Variants in NME7 observed in about 807,000 individuals in gnomAD.
NME7 encodes nucleoside diphosphate kinase 7.
In NME7, 41 loss-of-function variants were observed where a neutral mutation model predicts 49.1. The ratio of observed to expected loss-of-function variants is 0.83; its 90% CI spans 0.65 to 1.08. The LOEUF is 1.08. Ranked by LOEUF, NME7 falls within the 50% of genes least tolerant of loss-of-function variation. The probability of loss-of-function intolerance (pLI) is 0.00; values close to 1 mark genes in which losing one functional copy is unlikely to be tolerated. For synonymous variants in NME7, 139 were observed against 150.6 expected (o/e 0.92, Z 0.56); for missense variants, 423 against 463.4 (o/e 0.91, Z 0.80).
chr1:169,163,990 G>T (rs1571256077), intron 11 of NME7, among the ~76,000 whole-genome samples: 1 of 151,610 alleles, frequency 6.6e-6, no homozygotes. Context: ...TGCACCTGTA[G>T]TCCCAGCTAC....
Position 169,258,405 on chromosome 1 carries a change from T to TACAC in NME7, c.755-20722_755-20719dup, listed in dbSNP as rs1366142784. Among the ~76,000 whole-genome samples, 34 of 68,786 alleles carry TACAC rather than the reference T, an allele frequency of 4.9e-4. 4 individuals carry two copies. Among genetic ancestry groups the TACAC allele is most frequent in the Middle Eastern group, 6.4e-3 (1 of 156 alleles). The allele number at this position is 68,786 out of a possible 152,430, so 45.1% of individuals were successfully genotyped here. On this transcript the variant is annotated intron_variant, in intron 7 of 11. Transcript: ENST00000367811. ...ATATATATATATATATATATATATATACACACACACACACACACATACACA... is the reference window on the plus strand; with the variant it reads ...ATATATATATATATATATATATATATACACACACACACACACACACACATACACA...
At chr1:169,241,967 TA>T (rs1216301969) in intron 7 of NME7, among the ~76,000 whole-genome samples, 3 of 151,928 alleles carry the variant, frequency 2.0e-5, no homozygotes, top group Admixed American at 2.0e-4. Context: ...TTTATTTACT[TA>T]ATATGAGAAA....
chr1:169,286,008 C>T (rs1650263309), intron 7 of NME7: 2 of 152,014 alleles, frequency 1.3e-5, no homozygotes, highest in Admixed American at 1.3e-4. Context: ...CTGAAAACAA[C>T]CTAAGTATCC....
Position 169,327,176 on chromosome 1 carries a change from A to T in NME7, c.4-2676T>A, listed in dbSNP as rs1035744781. Among the ~76,000 whole-genome samples, 3 of 152,276 alleles carry T rather than the reference A, an allele frequency of 2.0e-5. No individual in the cohort carries two copies. The East Asian group carries it at 5.8e-4, about 29-fold the overall frequency. ...TAACACTTTAGTAGCACATAGATACACCTTGAGTTGTCTGTCACAGATGCT... is the reference window on the plus strand; with the variant it reads ...TAACACTTTAGTAGCACATAGATACTCCTTGAGTTGTCTGTCACAGATGCT... On this transcript the variant is annotated intron_variant, in intron 1 of 11. Coordinates refer to ENST00000367811, the MANE Select transcript of NME7 (RefSeq NM_013330.5).
intron 11 of NME7, among the ~76,000 whole-genome samples, chr1:169,156,188 C>CT (rs1029836946): frequency 3.9e-4 from 57 of 147,734 alleles, no homozygotes; most frequent in Non-Finnish European, 7.0e-4. Flanking sequence ...CGGTGCATGC[C>CT]TGTGGTCCTA....
intron 4 of NME7, among the ~76,000 whole-genome samples, chr1:169,309,037 T>A (rs934545729): frequency 2.0e-5 from 3 of 152,190 alleles, no homozygotes; most frequent in African/African-American, 2.4e-5. Context: ...CAGTGTGTTA[T>A]CCTTATATAT....
chr1:169,326,866 A>G (rs1652079249), intron 1 of NME7, among the ~76,000 whole-genome samples: 1 of 152,152 alleles, frequency 6.6e-6, no homozygotes, highest in Admixed American at 6.5e-5. Context: ...TCCAGACCAA[A>G]GCCACCCTTA....
At chr1:169,316,815 T>C (rs1194912847) in intron 3 of NME7, among the ~76,000 whole-genome samples, 1 of 152,166 alleles carries the variant, frequency 6.6e-6, no homozygotes, top group Non-Finnish European at 1.5e-5. Flanking sequence ...CAACACCTGA[T>C]CTTTACCTGA....
chr1:169,245,610 T>A (rs1373794488), intron 7 of NME7, among the ~76,000 whole-genome samples: 1 of 152,186 alleles, frequency 6.6e-6, no homozygotes, highest in East Asian at 1.9e-4. Flanking sequence ...GTGCCTAAAA[T>A]AGACATGTTT....
chr1:169,144,639 G>A (rs1658698319), intron 11 of NME7, among the ~76,000 whole-genome samples: 1 of 152,088 alleles, frequency 6.6e-6, no homozygotes, highest in Non-Finnish European at 1.5e-5. Flanking sequence ...TGAGAATGAG[G>A]AGTGTGTCTT....
chr1:169,327,177 C>CTA (rs1652090692), intron 1 of NME7, among the ~76,000 whole-genome samples: 3 of 152,176 alleles, frequency 2.0e-5, no homozygotes, highest in Admixed American at 1.3e-4. Context: ...CATAGATACA[C>CTA]CTTGAGTTGT....
At chr1:169,229,149 T>A (rs1271258073) in intron 10 of NME7, among the ~76,000 whole-genome samples, 5 of 152,226 alleles carry the variant, frequency 3.3e-5, no homozygotes, top group Non-Finnish European at 7.3e-5. Flanking sequence ...TAAATAGAAT[T>A]ACAATTTTTA....
intron 7 of NME7, among the ~76,000 whole-genome samples, chr1:169,243,539 C>A (rs760037872): frequency 6.6e-6 from 1 of 152,146 alleles, no homozygotes; most frequent in Non-Finnish European, 1.5e-5. Flanking sequence ...AAAGGTAGGG[C>A]CTTTGTGGGG....
chr1:169,157,651 A>G (rs1462971458), intron 11 of NME7, among the ~76,000 whole-genome samples: 1 of 152,154 alleles, frequency 6.6e-6, no homozygotes, highest in South Asian at 2.1e-4. Context: ...CAGAGACTGG[A>G]GTTCCGTTGG....
intron 10 of NME7, among the ~76,000 whole-genome samples, chr1:169,174,549 C>T (rs190518157): frequency 1.3e-5 from 2 of 152,248 alleles, no homozygotes; most frequent in African/African-American, 4.8e-5. Flanking sequence ...TAGGTGATTT[C>T]CTCATTGTGT....
At chr1:169,219,125 C>G (rs1382820424) in intron 10 of NME7, among the ~76,000 whole-genome samples, 1 of 152,160 alleles carries the variant, frequency 6.6e-6, no homozygotes, top group Admixed American at 6.6e-5. Flanking sequence ...CTCAGGGAAG[C>G]CTTTTCTGAA....
At position 169,271,364 on chromosome 1, in the gene NME7, G is replaced by C. The variant is rs1484233365; in HGVS notation, c.754+15939C>G. Among the ~76,000 whole-genome samples the C allele has an allele frequency of 1.5e-5, 2 of 133,552 alleles. 1 individual carries two copies. The highest frequency in any genetic ancestry group is 4.0e-4 in the East Asian group (2 of 5,028). The allele number at this position is 133,552 out of a possible 152,430, so 87.6% of individuals were successfully genotyped here. A position where few individuals can be genotyped will look rare whatever the true frequency, so the allele number is the denominator to read the frequency against. ...ACCCCAACAATAGAGTACTCAAACA[G>C]TCCCCTTTCACAGTACTCCCTCTAC... On this transcript the variant is annotated intron_variant, in intron 7 of 11. Coordinates refer to ENST00000367811, the MANE Select transcript of NME7 (RefSeq NM_013330.5).
At chr1:169,353,649 A>G (rs1438467194) in intron 1 of NME7, among the ~76,000 whole-genome samples, 1 of 152,126 alleles carries the variant, frequency 6.6e-6, no homozygotes, top group Non-Finnish European at 1.5e-5. Flanking sequence ...CAAACTAACC[A>G]TCTAACAAGA....
At chr1:169,208,719 G>A (rs1315207175) in intron 10 of NME7, among the ~76,000 whole-genome samples, 1 of 152,040 alleles carries the variant, frequency 6.6e-6, no homozygotes, top group Non-Finnish European at 1.5e-5. Flanking sequence ...CTCAGCAAGT[G>A]TCACAATTCC....
Sources: gnomAD v4.1 joint callset for allele counts (sites outside exome capture counted in the v4.1 genomes callset) on GRCh38, gnomAD v4.1.1 for gene constraint, MANE v1.5 for transcripts, NCBI Gene and HGNC (gene_info 2026-07-23, HGNC 2026-07-21) for gene names.